The following FAM13C variants were observed in gnomAD, a reference collection of about 807,000 sequenced individuals.
FAM13C encodes family with sequence similarity 13 member C.
A neutral mutation model predicts 73.2 loss-of-function variants in FAM13C; 37 were observed. The ratio of observed to expected loss-of-function variants is 0.51; its 90% CI spans 0.39 to 0.67. FAM13C has a LOEUF of 0.67. Ranked by LOEUF, FAM13C falls within the 30% of genes least tolerant of loss-of-function variation. The probability of loss-of-function intolerance (pLI) is 0.00; values close to 1 mark genes in which losing one functional copy is unlikely to be tolerated. For synonymous variants in FAM13C, 246 were observed against 260.9 expected (o/e 0.94, Z 0.55); for missense variants, 589 against 715.6 (o/e 0.82, Z 2.02).
chr10:59,293,720 G>A (rs1024828196), intron 5 of FAM13C, among the ~76,000 whole-genome samples: 2 of 152,178 alleles, frequency 1.3e-5, no homozygotes, highest in African/African-American at 4.8e-5. Flanking sequence ...AGGAAGGCCA[G>A]ATGTCCCGAC....
At chr10:59,321,095 T>C (rs933827068) in intron 4 of FAM13C, among the ~76,000 whole-genome samples, 6 of 152,212 alleles carry the variant, frequency 3.9e-5, no homozygotes, top group African/African-American at 1.4e-4. Flanking sequence ...TCCCCAAAGA[T>C]GTCCATGTCT....
chr10:59,262,372 T>G (rs1842589718), intron 10 of FAM13C, 62 bp downstream of exon 10: 82 of 1,410,592 alleles, frequency 5.8e-5, no homozygotes, highest in Non-Finnish European at 7.1e-5. Flanking sequence ...ACAAATTGGA[T>G]GATCTCATTA....
chr10:59,322,459 AC>A (rs1850448416), intron 4 of FAM13C, among the ~76,000 whole-genome samples: 1 of 152,184 alleles, frequency 6.6e-6, no homozygotes, highest in Non-Finnish European at 1.5e-5. Context: ...GAAAAAGACA[AC>A]AAGGTATTTA....
intron 3 of FAM13C, among the ~76,000 whole-genome samples, chr10:59,345,491 A>G (rs753690406): frequency 3.3e-5 from 5 of 152,248 alleles, no homozygotes; most frequent in Non-Finnish European, 7.3e-5. Flanking sequence ...ATATATTTGT[A>G]TATTTCCAAA....
At chr10:59,270,211 C>T (rs1681700734) in intron 6 of FAM13C, 102 bp from the exon 7 acceptor site, 1 of 1,154,660 alleles carries the variant, frequency 8.7e-7, no homozygotes, top group Non-Finnish European at 1.2e-6. Context: ...AATGGCTTGC[C>T]TCTTTGTCAT....
chr10:59,264,183 A>G lies in FAM13C; in HGVS notation c.943-17T>C. ...ATGTGAAGGCTACCAAGGGAAGGAA[A>G]AAATGGGGGTGGAAGGGAGGGAAGG... is the stretch of plus-strand genomic sequence containing the variant. On this transcript the variant is annotated splice_polypyrimidine_tract_variant and intron_variant, in intron 8 of 13. Transcript: ENST00000618804. The G allele has an allele frequency of 6.3e-7, 1 of 1,591,644 alleles. No individual in the cohort carries two copies. The highest frequency in any genetic ancestry group is 8.6e-7 in the Non-Finnish European group (1 of 1,161,298).
At chr10:59,267,550 AT>A (rs1264330456) in intron 8 of FAM13C, among the ~76,000 whole-genome samples, 1 of 152,252 alleles carries the variant, frequency 6.6e-6, no homozygotes, top group East Asian at 1.9e-4. Flanking sequence ...AGCCAAACTG[AT>A]TTTTCCCCCA....
chr10:59,329,857 G>A (rs1281296705), intron 3 of FAM13C, among the ~76,000 whole-genome samples: 2 of 152,150 alleles, frequency 1.3e-5, no homozygotes, highest in African/African-American at 4.8e-5. Context: ...CATTTACTAG[G>A]AGGTAGGTTT....
At chr10:59,263,491 A>G (rs989844520) in intron 9 of FAM13C, among the ~76,000 whole-genome samples, 20 of 152,214 alleles carry the variant, frequency 1.3e-4, no homozygotes, top group African/African-American at 4.6e-4. Flanking sequence ...AAAAACTCCC[A>G]TGTCTCTAAG....
chr10:59,306,206 G>A (rs1282269051), intron 4 of FAM13C, among the ~76,000 whole-genome samples: 1 of 152,150 alleles, frequency 6.6e-6, no homozygotes, highest in African/African-American at 2.4e-5. Flanking sequence ...TAACCAAGTA[G>A]CAAACTTTCA....
Position 59,278,594 on chromosome 10 carries a change from G to A in FAM13C, c.592+4769C>T, listed in dbSNP as rs146697926. On this transcript the variant is annotated intron_variant, in intron 6 of 13. Transcript: ENST00000618804. ...CTGGCTTCTACTCACCAGATGCCAG[G>A]AATGTCCACCCCCTCATTGTAACCA... 1.2e-3 allele frequency among the ~76,000 whole-genome samples: 177 copies of A among 152,200 alleles called. 1 individual carries two copies. Among genetic ancestry groups the A allele is most frequent in the African/African-American group, 3.9e-3 (163 of 41,534 alleles).
chr10:59,285,398 C>G (rs866138553), intron 5 of FAM13C, among the ~76,000 whole-genome samples: 101 of 151,882 alleles, frequency 6.6e-4, no homozygotes, highest in African/African-American at 2.3e-3. Context: ...GGGAGGCAAA[C>G]AAAGATTCTA....
intron 3 of FAM13C, among the ~76,000 whole-genome samples, chr10:59,338,891 G>A (rs1853117061): frequency 6.6e-6 from 1 of 152,186 alleles, no homozygotes; most frequent in Non-Finnish European, 1.5e-5. Flanking sequence ...TAGGGTTACA[G>A]TGACAGATTA....
At chr10:59,290,352 T>C (rs915377560) in intron 5 of FAM13C, among the ~76,000 whole-genome samples, 6 of 152,202 alleles carry the variant, frequency 3.9e-5, no homozygotes, top group African/African-American at 1.4e-4. Flanking sequence ...TGTCCAAGAA[T>C]TGCATATGAT....
chr10:59,259,491 CTT>C (rs1446455860), intron 10 of FAM13C, among the ~76,000 whole-genome samples: 1 of 152,098 alleles, frequency 6.6e-6, no homozygotes, highest in Non-Finnish European at 1.5e-5. Flanking sequence ...AAAGTTTTCT[CTT>C]TGGTTACGTT....
At chr10:59,346,900 C>T (rs1269676411) in intron 3 of FAM13C, among the ~76,000 whole-genome samples, 1 of 152,158 alleles carries the variant, frequency 6.6e-6, no homozygotes, top group Non-Finnish European at 1.5e-5. Flanking sequence ...TAAGGGCAAA[C>T]TGTCACTGGA....
intron 5 of FAM13C, among the ~76,000 whole-genome samples, chr10:59,292,005 G>C (rs201362313): frequency 2.6e-5 from 4 of 152,120 alleles, no homozygotes; most frequent in East Asian, 1.9e-4. Context: ...AGCCAGGATG[G>C]TCTCTATCTC....
At chr10:59,272,778 C>G (rs888386410) in intron 6 of FAM13C, among the ~76,000 whole-genome samples, 1 of 152,130 alleles carries the variant, frequency 6.6e-6, no homozygotes, top group Non-Finnish European at 1.5e-5. Context: ...GAGACACTCT[C>G]TACAACATTG....
chr10:59,291,568 T>C (rs938325970), intron 5 of FAM13C, among the ~76,000 whole-genome samples: 1 of 152,142 alleles, frequency 6.6e-6, no homozygotes, highest in Non-Finnish European at 1.5e-5. Flanking sequence ...CCAGGTCTTA[T>C]TTGGATCCTA....
Sources: allele counts gnomAD v4.1 joint callset (sites outside exome capture counted in the v4.1 genomes callset), GRCh38; gene constraint gnomAD v4.1.1; transcripts MANE v1.5; gene names NCBI Gene and HGNC (gene_info 2026-07-23, HGNC 2026-07-21).